SLC24A2: variants seen among roughly 807,000 people sequenced by gnomAD.
The protein encoded by SLC24A2 is sodium/potassium/calcium exchanger 2.
In SLC24A2, 36 loss-of-function variants were observed where a neutral mutation model predicts 62.0. The ratio of observed to expected loss-of-function variants is 0.58; its 90% confidence interval spans 0.44 to 0.77. The LOEUF is 0.77. Ranked by LOEUF, SLC24A2 falls within the 30% of genes least tolerant of loss-of-function variation. The pLI, the probability that SLC24A2 is intolerant of heterozygous loss-of-function variation, is 0.00. For missense variants in SLC24A2, 846 were observed against 817.9 expected, an observed-to-expected ratio of 1.03 and a Z score of -0.42; for synonymous variants, 358 against 294.0, an observed-to-expected ratio of 1.22 and a Z score of -2.23.
the SLC24A2 span, among the ~76,000 whole-genome samples, chr9:20,024,225 T>C: frequency 6.6e-6 from 1 of 152,174 alleles, no homozygotes; most frequent in Non-Finnish European, 1.5e-5. Context: ...AACTGTGCCG[T>C]CTGGATTTGG....
At chr9:19,659,394 A>T (rs951361591) in intron 2 of SLC24A2, among the ~76,000 whole-genome samples, 1 of 152,198 alleles carries the variant, frequency 6.6e-6, no homozygotes, top group African/African-American at 2.4e-5. Context: ...GTACTTTGTT[A>T]TGGCAGCCCT....
At chr9:19,743,630 T>C (rs1821745214) in intron 2 of SLC24A2, among the ~76,000 whole-genome samples, 1 of 152,178 alleles carries the variant, frequency 6.6e-6, no homozygotes. Context: ...TAATATGTTC[T>C]TGTTCACATA....
the SLC24A2 span, among the ~76,000 whole-genome samples, chr9:19,851,246 A>G: frequency 1.3e-5 from 2 of 150,868 alleles, no homozygotes; most frequent in Non-Finnish European, 3.0e-5. Flanking sequence ...GCTGGTCCTG[A>G]ACTCCTGACC....
chr9:19,929,924 A>T, the SLC24A2 span: 1 of 152,042 alleles, frequency 6.6e-6, no homozygotes, highest in South Asian at 2.1e-4. Context: ...TAAAAATTTT[A>T]AACAGAAAAA....
chr9:19,704,642 G>C (rs910571526), intron 2 of SLC24A2, among the ~76,000 whole-genome samples: 2 of 152,078 alleles, frequency 1.3e-5, no homozygotes, highest in Non-Finnish European at 2.9e-5. Flanking sequence ...TGAACTGGAA[G>C]AAAACAACTC....
the SLC24A2 span, among the ~76,000 whole-genome samples, chr9:19,879,199 G>A: frequency 6.6e-6 from 1 of 152,086 alleles, no homozygotes; most frequent in Admixed American, 6.6e-5. Flanking sequence ...GCTGCTACTT[G>A]CAAAGAGCTA....
the SLC24A2 span, among the ~76,000 whole-genome samples, chr9:20,062,896 C>G: frequency 8.4e-6 from 1 of 118,498 alleles, no homozygotes. Flanking sequence ...AAAATATGCT[C>G]ACCATCACTG....
the SLC24A2 span, among the ~76,000 whole-genome samples, chr9:19,804,935 T>C: frequency 1.3e-5 from 2 of 152,206 alleles, no homozygotes; most frequent in Non-Finnish European, 2.9e-5. Context: ...ATTACATTAA[T>C]TGACTTTCAG....
At chr9:19,775,562 G>A (rs539510170) in intron 2 of SLC24A2, among the ~76,000 whole-genome samples, 1 of 152,186 alleles carries the variant, frequency 6.6e-6, no homozygotes, top group African/African-American at 2.4e-5. Context: ...TGTGGATCTA[G>A]GTCTAAATGG....
the SLC24A2 span, among the ~76,000 whole-genome samples, chr9:20,068,856 C>G: frequency 6.6e-6 from 1 of 152,116 alleles, no homozygotes; most frequent in Non-Finnish European, 1.5e-5. Flanking sequence ...CATGGCCCTA[C>G]TCATTTTTCT....
intron 5 of SLC24A2, among the ~76,000 whole-genome samples, chr9:19,579,895 G>C (rs772738541): frequency 2.7e-4 from 41 of 152,200 alleles, no homozygotes; most frequent in African/African-American, 5.1e-4. Flanking sequence ...TTTCAGAATA[G>C]TGTTGGCCAC....
chr9:20,205,574 C>A, the SLC24A2 span, among the ~76,000 whole-genome samples: 3 of 148,422 alleles, frequency 2.0e-5, no homozygotes, highest in Non-Finnish European at 4.4e-5. Flanking sequence ...TGGTGTGAAC[C>A]CAGGAGGCAG....
At chr9:20,288,420 C>T in the SLC24A2 span, among the ~76,000 whole-genome samples, 11 of 151,450 alleles carry the variant, frequency 7.3e-5, no homozygotes, top group South Asian at 2.1e-4. Context: ...GCCGGGGGTG[C>T]GGGAGGTGGG....
chr9:19,923,834 G>A, the SLC24A2 span, among the ~76,000 whole-genome samples: 2 of 152,088 alleles, frequency 1.3e-5, no homozygotes, highest in African/African-American at 2.4e-5. Context: ...TGCAATCTCC[G>A]CCTCCCAGGT....
At chr9:19,943,363 A>G in the SLC24A2 span, among the ~76,000 whole-genome samples, 1 of 152,160 alleles carries the variant, frequency 6.6e-6, no homozygotes, top group South Asian at 2.1e-4. Flanking sequence ...ATTTTATTCC[A>G]CTATTCTACT....
the SLC24A2 span, among the ~76,000 whole-genome samples, chr9:20,157,661 C>G: frequency 6.6e-6 from 1 of 151,468 alleles, no homozygotes; most frequent in South Asian, 2.1e-4. Context: ...CCACAAGAAA[C>G]CTTGTTTCTG....
the SLC24A2 span, among the ~76,000 whole-genome samples, chr9:20,265,301 T>C: frequency 2.1e-3 from 322 of 152,204 alleles, 2 homozygotes; most frequent in African/African-American, 7.4e-3. Flanking sequence ...AAAAGGGAGC[T>C]GAAGAATAGT....
At chr9:20,099,424 T>C in the SLC24A2 span, among the ~76,000 whole-genome samples, 443 of 152,306 alleles carry the variant, frequency 2.9e-3, no homozygotes, top group African/African-American at 9.3e-3. Flanking sequence ...ACAGGTTGCT[T>C]TTTGGTACTG....
intron 9 of SLC24A2, among the ~76,000 whole-genome samples, chr9:19,522,537 T>C (rs1489262950): frequency 1.3e-5 from 2 of 152,222 alleles, no homozygotes; most frequent in East Asian, 3.8e-4. Context: ...AATAGTATGA[T>C]TCCTACTAGC....
Sources: gnomAD v4.1 joint callset for allele counts (sites outside exome capture counted in the v4.1 genomes callset) on GRCh38, gnomAD v4.1.1 for gene constraint, MANE v1.5 for transcripts, NCBI Gene and HGNC (gene_info 2026-07-23, HGNC 2026-07-21) for gene names.